Variants in EDNRA observed in about 807,000 individuals in gnomAD.
EDNRA encodes the protein endothelin-1 receptor.
Under a neutral mutation model 41.4 loss-of-function variants are expected in EDNRA, and 11 were observed. That is an observed-to-expected ratio of 0.27 (90% CI 0.17 to 0.44). EDNRA has a LOEUF of 0.44. Among genes scored for constraint, EDNRA ranks in the 20% least tolerant of loss-of-function variants. The pLI is 1.00. For missense variants in EDNRA, 294 were observed against 531.0 expected (o/e 0.55, Z 4.39); for synonymous variants, 172 against 183.0 (o/e 0.94, Z 0.49).
At chr4:147,499,356 T>A (rs1251542392) in intron 2 of EDNRA, among the ~76,000 whole-genome samples, 1 of 152,204 alleles carries the variant, frequency 6.6e-6, no homozygotes, top group Non-Finnish European at 1.5e-5. Context: ...ATGCCCAGCC[T>A]GAAGTCATTA....
chr4:147,500,613 A>C (rs1729484452), intron 2 of EDNRA, among the ~76,000 whole-genome samples: 1 of 152,126 alleles, frequency 6.6e-6, no homozygotes, highest in South Asian at 2.1e-4. Flanking sequence ...AGCTACTGGA[A>C]GGCTGAAGTG....
chr4:147,515,100 G>A (rs1167148683), intron 2 of EDNRA, among the ~76,000 whole-genome samples: 1 of 152,170 alleles, frequency 6.6e-6, no homozygotes, highest in African/African-American at 2.4e-5. Context: ...GGCTGTCCTT[G>A]GGAATCCCCT....
intron 1 of EDNRA, among the ~76,000 whole-genome samples, chr4:147,484,029 A>G (rs1175925379): frequency 2.0e-5 from 3 of 152,076 alleles, no homozygotes; most frequent in Admixed American, 6.6e-5. Context: ...CCAGGACTCA[A>G]TTTTTTTAAG....
At chr4:147,506,387 T>G in intron 2 of EDNRA, 1 of 416,644 alleles carries the variant, frequency 2.4e-6, no homozygotes, top group Non-Finnish European at 4.7e-6. Context: ...AGACTGCCAG[T>G]GAAAAGTACA....
chr4:147,509,738 G>A (rs530964115), intron 2 of EDNRA, among the ~76,000 whole-genome samples: 15 of 151,902 alleles, frequency 9.9e-5, no homozygotes, highest in African/African-American at 3.4e-4. Flanking sequence ...AGAATCTAAC[G>A]CCTAATGATC....
At chr4:147,538,546 A>G (rs1384331151) in intron 5 of EDNRA, among the ~76,000 whole-genome samples, 2 of 152,236 alleles carry the variant, frequency 1.3e-5, no homozygotes, top group African/African-American at 4.8e-5. Flanking sequence ...CACTCAGGAA[A>G]GGTAACCTCT....
rs58464606 is a variant in EDNRA at position 147,499,797 on chromosome 4, C to CTTTT, written c.420+13718_420+13721dup. On this transcript the variant is annotated intron_variant, in intron 2 of 7. Transcript: ENST00000651419. ...GAAAATATAGTTACTCTCTAAAAGT[C>CTTTT]TTTTTTTTTTTTTTTTTTTTTTTTT... Among the ~76,000 whole-genome samples the CTTTT allele has an allele frequency of 8.9e-4, 76 of 85,320 alleles. 1 individual carries two copies. The highest frequency in any genetic ancestry group is 9.4e-3 in the Middle Eastern group (1 of 106). The allele number at this position is 85,320 out of a possible 152,430, so 56.0% of individuals were successfully genotyped here.
At chr4:147,527,632 C>T (rs931248780) in intron 3 of EDNRA, among the ~76,000 whole-genome samples, 3 of 151,836 alleles carry the variant, frequency 2.0e-5, no homozygotes, top group African/African-American at 7.3e-5. Flanking sequence ...AATGACTATC[C>T]CAGACCACAC....
chr4:147,489,217 T>G (rs1729051553), intron 2 of EDNRA: 1 of 152,202 alleles, frequency 6.6e-6, no homozygotes, highest in African/African-American at 2.4e-5. Flanking sequence ...TACATGTATA[T>G]ATTGCATAGT....
chr4:147,540,629 C>A, intron 7 of EDNRA, 144 bp downstream of exon 7: 2 of 599,188 alleles, frequency 3.3e-6, no homozygotes, highest in Admixed American at 3.2e-5. Context: ...GTTTTATTAC[C>A]CAGAAAGAGA....
intron 2 of EDNRA, chr4:147,488,236 C>T (rs1300720019): frequency 6.6e-6 from 1 of 152,210 alleles, no homozygotes; most frequent in East Asian, 1.9e-4. Flanking sequence ...GGGAAGGATA[C>T]CTGCTTATCT....
chr4:147,534,903 T>C (rs1730867400), intron 4 of EDNRA, among the ~76,000 whole-genome samples: 1 of 152,198 alleles, frequency 6.6e-6, no homozygotes, highest in Non-Finnish European at 1.5e-5. Context: ...ATTTTTTGTC[T>C]TTAGGAACCA....
intron 2 of EDNRA, among the ~76,000 whole-genome samples, chr4:147,503,875 A>G (rs1007057913): frequency 6.6e-6 from 1 of 151,888 alleles, no homozygotes; most frequent in African/African-American, 2.4e-5. Flanking sequence ...TGATCATTTT[A>G]TAAAAAATAT....
chr4:147,526,949 C>T (rs558026557), intron 3 of EDNRA, among the ~76,000 whole-genome samples: 59 of 152,232 alleles, frequency 3.9e-4, no homozygotes, highest in African/African-American at 1.4e-3. Context: ...GACCCTATCT[C>T]TAAAAAAGAA....
chr4:147,490,314 T>C (rs1234666101), intron 2 of EDNRA: 2 of 152,172 alleles, frequency 1.3e-5, no homozygotes, highest in African/African-American at 4.8e-5. Flanking sequence ...AATGCTAATG[T>C]TGAAGAAAAA....
intron 2 of EDNRA, chr4:147,495,278 C>T (rs1389668098): frequency 2.0e-5 from 3 of 152,318 alleles, no homozygotes; most frequent in East Asian, 3.9e-4. Context: ...CCACACACCT[C>T]GTAAGACAAA....
chr4:147,485,487 A>G, intron 1 of EDNRA, 125 bp from the exon 2 acceptor site: 1 of 689,290 alleles, frequency 1.5e-6, no homozygotes, highest in Non-Finnish European at 2.4e-6. Flanking sequence ...GTAACCTGAT[A>G]TACATATATC....
intron 3 of EDNRA, among the ~76,000 whole-genome samples, chr4:147,522,180 A>G (rs997105052): frequency 2.0e-5 from 3 of 152,184 alleles, no homozygotes; most frequent in African/African-American, 7.2e-5. Flanking sequence ...CAATAATAAT[A>G]TTTATAATTA....
chr4:147,529,713 G>A lies in EDNRA; in HGVS notation c.549-2793G>A, dbSNP rs1302450656. 1.2e-4 allele frequency among the ~76,000 whole-genome samples: 18 copies of A among 152,178 alleles called. 1 individual carries two copies. Among genetic ancestry groups the A allele is most frequent in the Admixed American group, 1.0e-3 (16 of 15,284 alleles). ...AGATGTATATACATACTGACTAGAT[G>A]GAAGGCTATTTATAATCGCACCTCA... is the stretch of plus-strand genomic sequence containing the variant. On this transcript the variant is annotated intron_variant, in intron 3 of 7. Transcript: ENST00000651419.
Sources: gnomAD v4.1 joint callset for allele counts (sites outside exome capture counted in the v4.1 genomes callset) on GRCh38, gnomAD v4.1.1 for gene constraint, MANE v1.5 for transcripts, NCBI Gene and HGNC (gene_info 2026-07-23, HGNC 2026-07-21) for gene names.